The following EYS variants were observed in gnomAD, a reference collection of about 807,000 sequenced individuals.
The protein encoded by EYS is EGF-like photoreceptor maintenance factor.
EYS carries 250 observed loss-of-function variants against 282.1 expected under a neutral mutation model. That is an observed-to-expected ratio of 0.89 (90% confidence interval 0.80 to 0.98). The LOEUF is 0.98. Among genes scored for constraint, EYS ranks in the 50% least tolerant of loss-of-function variants. The probability of loss-of-function intolerance (pLI) is 0.00; values close to 1 mark genes in which losing one functional copy is unlikely to be tolerated. For synonymous variants in EYS, 1,355 were observed against 1,282.9 expected, an observed-to-expected ratio of 1.06 and a Z score of -1.20; for missense variants, 4,016 against 3,709.0, an observed-to-expected ratio of 1.08 and a Z score of -2.15.
At chr6:64,795,566 T>C (rs1053287992) in intron 22 of EYS, among the ~76,000 whole-genome samples, 4 of 152,218 alleles carry the variant, frequency 2.6e-5, no homozygotes, top group African/African-American at 9.6e-5. Context: ...AACTTCTTCA[T>C]GATTAATCTC....
chr6:64,513,678 A>T (rs1438535961), intron 26 of EYS, among the ~76,000 whole-genome samples: 2 of 151,922 alleles, frequency 1.3e-5, no homozygotes, highest in Non-Finnish European at 2.9e-5. Flanking sequence ...GAATTTTTAC[A>T]GGAACAATTA....
chr6:63,913,390 A>G lies in EYS; in HGVS notation c.7056-49032T>C, dbSNP rs116510951. On this transcript the variant is annotated intron_variant, in intron 35 of 42. Coordinates refer to ENST00000503581, the MANE Select transcript of EYS (RefSeq NM_001142800.2). ...TCACTCATTTAAGGCATACAGTTCA[A>G]TGGTTTTTAGTGCACATATAGAGTT... 6.8e-3 allele frequency among the ~76,000 whole-genome samples: 1,030 copies of G among 152,340 alleles called. 10 individuals carry two copies. Among genetic ancestry groups the G allele is most frequent in the African/African-American group, 0.023 (945 of 41,574 alleles).
chr6:64,580,351 A>T (rs955615909), intron 26 of EYS, among the ~76,000 whole-genome samples: 1 of 152,166 alleles, frequency 6.6e-6, no homozygotes, highest in African/African-American at 2.4e-5. Flanking sequence ...GAGAAGGATA[A>T]AGGGAAAAAT....
At chr6:65,150,908 ATTAAT>A (rs1250794846) in intron 12 of EYS, among the ~76,000 whole-genome samples, 3 of 151,934 alleles carry the variant, frequency 2.0e-5, no homozygotes, top group Non-Finnish European at 2.9e-5. Context: ...TAAATGCTAA[ATTAAT>A]TTATTTTCAC....
intron 2 of EYS, among the ~76,000 whole-genome samples, chr6:65,630,858 A>C (rs566481933): frequency 1.2e-4 from 19 of 152,314 alleles, no homozygotes; most frequent in African/African-American, 4.3e-4. Context: ...ATGGAAGAAA[A>C]CTTACTGAAT....
chr6:64,675,833 A>G (rs62418020), intron 22 of EYS, among the ~76,000 whole-genome samples: 30,055 of 151,414 alleles, frequency 0.2, 3,453 homozygotes, highest in East Asian at 0.35. Flanking sequence ...TTAGAAAGTT[A>G]CTTAACTACT....
intron 35 of EYS, among the ~76,000 whole-genome samples, chr6:63,971,956 A>G (rs1490403236): frequency 6.6e-6 from 1 of 152,200 alleles, no homozygotes; most frequent in Admixed American, 6.5e-5. Flanking sequence ...AGACTTTCCC[A>G]ATTGTTGCTG....
chr6:65,529,532 C>T (rs1041971709), intron 2 of EYS, among the ~76,000 whole-genome samples: 11 of 152,160 alleles, frequency 7.2e-5, no homozygotes, highest in African/African-American at 2.7e-4. Flanking sequence ...CTGTCTATTA[C>T]TCCCCCTGAA....
Position 65,003,954 on chromosome 6 carries a change from T to A in EYS, c.2138-6251A>T, listed in dbSNP as rs191165268. Among the ~76,000 whole-genome samples the A allele has an allele frequency of 7.5e-5, 11 of 147,610 alleles. 1 individual carries two copies. The highest frequency in any genetic ancestry group is 7.4e-4 in the Admixed American group (11 of 14,794). ...ACAAAATTACCCATTTTAGGCATGT[T>A]CTTCCACAGAAAAATCCATGTTTCC... On this transcript the variant is annotated intron_variant, in intron 13 of 42. Transcript: ENST00000503581.
At chr6:65,445,219 T>C (rs9354241) in intron 5 of EYS, among the ~76,000 whole-genome samples, 1,684 of 152,032 alleles carry the variant, frequency 0.011, 59 homozygotes, top group Admixed American at 0.078. Flanking sequence ...TCCACCATGA[T>C]TGAATATTTC....
rs562615591 is a variant in EYS, at chr6:63,961,130, A to C, written c.7055+23253T>G. On this transcript the variant is annotated intron_variant, in intron 35 of 42. Coordinates refer to ENST00000503581, the MANE Select transcript of EYS (RefSeq NM_001142800.2). ...TATTGGTCAGAGTTCTAGAAGCTGC[A>C]AAGTCCAAGATCAAGGTGCCAGCAG... Among the ~76,000 whole-genome samples, 9 of 152,348 alleles carry C rather than the reference A, an allele frequency of 5.9e-5. No individual in the cohort carries two copies. The South Asian group carries it at 1.7e-3, about 28-fold the overall frequency.
intron 31 of EYS, among the ~76,000 whole-genome samples, chr6:64,205,980 T>C (rs1046297122): frequency 1.3e-5 from 2 of 152,262 alleles, no homozygotes; most frequent in Admixed American, 6.5e-5. Context: ...GTAGGCATTT[T>C]ACTTGTTATT....
intron 29 of EYS, among the ~76,000 whole-genome samples, chr6:64,385,681 C>T (rs1772885132): frequency 6.6e-6 from 1 of 152,132 alleles, no homozygotes; most frequent in Non-Finnish European, 1.5e-5. Context: ...TCTGTCCTCC[C>T]CTACATAACA....
At position 64,843,060 on chromosome 6, in the gene EYS, T is replaced by G. The variant is rs532218435; in HGVS notation, c.2993-20238A>C. On this transcript the variant is annotated intron_variant, in intron 19 of 42. Coordinates refer to ENST00000503581, the MANE Select transcript of EYS (RefSeq NM_001142800.2). ...CAGAATGCTAGAAGGAAAAAATGGT[T>G]TCATGGGCTGGGCCCAGGGTCTCCA... is the stretch of plus-strand genomic sequence containing the variant. 1.4e-4 allele frequency among the ~76,000 whole-genome samples: 22 copies of G among 152,182 alleles called. No individual in the cohort carries two copies. In the South Asian group the frequency reaches 3.9e-3, roughly 27 times the overall value.
At chr6:63,966,192 A>G (rs1032339149) in intron 35 of EYS, among the ~76,000 whole-genome samples, 1 of 152,236 alleles carries the variant, frequency 6.6e-6, no homozygotes, top group Non-Finnish European at 1.5e-5. Context: ...CCATAAAAAT[A>G]AATGAATGAA....
intron 13 of EYS, among the ~76,000 whole-genome samples, chr6:65,034,878 C>A (rs1439608915): frequency 6.6e-6 from 1 of 152,060 alleles, no homozygotes; most frequent in African/African-American, 2.4e-5. Context: ...CAGCATTATT[C>A]CTTTACCGAT....
At chr6:63,817,129 A>G (rs992673429) in intron 36 of EYS, among the ~76,000 whole-genome samples, 3 of 152,218 alleles carry the variant, frequency 2.0e-5, no homozygotes, top group African/African-American at 7.2e-5. Context: ...CTGTAATGTG[A>G]TATGGAAGTA....
chr6:64,983,074 G>A (rs1049109233), intron 14 of EYS, among the ~76,000 whole-genome samples: 6 of 151,094 alleles, frequency 4.0e-5, no homozygotes, highest in Admixed American at 1.3e-4. Flanking sequence ...ATTTCATGTC[G>A]GTTTTATTTT....
At chr6:64,106,245 G>C (rs1027981992) in intron 31 of EYS, among the ~76,000 whole-genome samples, 1 of 151,450 alleles carries the variant, frequency 6.6e-6, no homozygotes, top group African/African-American at 2.4e-5. Context: ...CTTTTTTAGT[G>C]GTTGCACTAG....
Sources: allele counts gnomAD v4.1 joint callset (sites outside exome capture counted in the v4.1 genomes callset), GRCh38; gene constraint gnomAD v4.1.1; transcripts MANE v1.5; gene names NCBI Gene and HGNC (gene_info 2026-07-23, HGNC 2026-07-21).